CNTN5: variants seen among roughly 807,000 people sequenced by gnomAD.
CNTN5 encodes contactin-5.
CNTN5 carries 77 observed loss-of-function variants against 129.1 expected under a neutral mutation model. That is an observed-to-expected ratio of 0.60 (90% CI 0.50 to 0.72). CNTN5 has a LOEUF of 0.72. CNTN5 is among the 30% of genes least tolerant of loss of function. The pLI, the probability that CNTN5 is intolerant of heterozygous loss-of-function variation, is 0.00. For missense variants in CNTN5, 1,478 were observed against 1,328.8 expected (o/e 1.11, Z -1.75); for synonymous variants, 509 against 465.6 (o/e 1.09, Z -1.20).
chr11:99,619,589 A>G (rs1950866743), intron 3 of CNTN5, among the ~76,000 whole-genome samples: 4 of 152,110 alleles, frequency 2.6e-5, no homozygotes, highest in Admixed American at 2.6e-4. Flanking sequence ...TTGCATCAAA[A>G]CGAGATTTAA....
chr11:99,840,329 A>G (rs1264180067), intron 4 of CNTN5, among the ~76,000 whole-genome samples: 1 of 152,114 alleles, frequency 6.6e-6, no homozygotes, highest in Non-Finnish European at 1.5e-5. Flanking sequence ...AAAATAAGGA[A>G]CTTAGAAATG....
intron 1 of CNTN5, among the ~76,000 whole-genome samples, chr11:99,077,099 G>T (rs1361743957): frequency 1.3e-5 from 2 of 149,476 alleles, no homozygotes; most frequent in African/African-American, 5.0e-5. Context: ...GACAGTAAGT[G>T]ATGGTATTGA....
chr11:99,572,259 G>C (rs1027772300), intron 3 of CNTN5, among the ~76,000 whole-genome samples: 1 of 152,140 alleles, frequency 6.6e-6, no homozygotes, highest in Non-Finnish European at 1.5e-5. Flanking sequence ...AACGATAGCT[G>C]ATGAGCAAAA....
At position 99,462,365 on chromosome 11, in the gene CNTN5, T is replaced by C. The variant is rs186947484; in HGVS notation, c.-70-93780T>C. ...TTCTTTTTTTCTTTTCTTTTCTTTT[T>C]TTTTTTTTTTTACATTTTTCAACAT... On this transcript the variant is annotated intron_variant, in intron 2 of 24. Transcript: ENST00000524871. 4.2e-3 allele frequency among the ~76,000 whole-genome samples: 620 copies of C among 148,966 alleles called. 15 individuals carry two copies. In the East Asian group the frequency reaches 0.085, roughly 20 times the overall value.
At chr11:99,036,152 G>A (rs1222418447) in intron 1 of CNTN5, among the ~76,000 whole-genome samples, 1 of 151,840 alleles carries the variant, frequency 6.6e-6, no homozygotes, top group Non-Finnish European at 1.5e-5. Context: ...TTTTCACGTT[G>A]CGTATCGAAA....
chr11:99,969,765 C>CTACCTCA (rs1447336711), intron 8 of CNTN5, among the ~76,000 whole-genome samples: 1 of 152,158 alleles, frequency 6.6e-6, no homozygotes, highest in Non-Finnish European at 1.5e-5. Context: ...CCAAATCAGT[C>CTACCTCA]ATTCCATGTA....
At chr11:100,218,470 A>G (rs1036480763) in intron 15 of CNTN5, among the ~76,000 whole-genome samples, 1 of 152,230 alleles carries the variant, frequency 6.6e-6, no homozygotes, top group Non-Finnish European at 1.5e-5. Flanking sequence ...CACAGGAAAT[A>G]TCAATGTGGA....
chr11:99,409,546 A>C (rs1175624919), intron 2 of CNTN5, among the ~76,000 whole-genome samples: 3 of 152,242 alleles, frequency 2.0e-5, no homozygotes, highest in Non-Finnish European at 4.4e-5. Context: ...TGAGAGGTTA[A>C]AGATCATCTG....
chr11:99,526,543 GT>G (rs1307904361), intron 2 of CNTN5, among the ~76,000 whole-genome samples: 18 of 152,190 alleles, frequency 1.2e-4, no homozygotes, highest in African/African-American at 4.3e-4. Flanking sequence ...TGCATTGATA[GT>G]TTGGGGGCAA....
At chr11:99,176,886 T>A (rs1857799576) in intron 1 of CNTN5, among the ~76,000 whole-genome samples, 1 of 152,188 alleles carries the variant, frequency 6.6e-6, no homozygotes, top group Admixed American at 6.5e-5. Context: ...CTTCCATTTT[T>A]TTTCAGAGTC....
At position 99,425,883 on chromosome 11, in the gene CNTN5, A is replaced by G. The variant is rs1017608467; in HGVS notation, c.-71+100399A>G. ...CTCCCCCACTGCAGCCAGTGTCTTC[A>G]CAGCGCTGCTCCAGAAAGGTCACTG... On this transcript the variant is annotated intron_variant, in intron 2 of 24. Coordinates refer to ENST00000524871, the MANE Select transcript of CNTN5 (RefSeq NM_014361.4). Among the ~76,000 whole-genome samples, 46 of 152,222 alleles carry G rather than the reference A, an allele frequency of 3.0e-4. 3 individuals are homozygous for G. Among genetic ancestry groups the G allele is most frequent in the African/African-American group, 7.2e-5 (3 of 41,462 alleles).
chr11:99,710,588 TG>T (rs1247860872), intron 3 of CNTN5, among the ~76,000 whole-genome samples: 1 of 138,802 alleles, frequency 7.2e-6, no homozygotes, highest in African/African-American at 2.6e-5. Flanking sequence ...TGTGTGTGTG[TG>T]TGTGTGTGTG....
intron 18 of CNTN5, among the ~76,000 whole-genome samples, chr11:100,288,377 A>T (rs1327848188): frequency 6.6e-6 from 1 of 152,170 alleles, no homozygotes; most frequent in East Asian, 1.9e-4. Flanking sequence ...CTCCTCAGCA[A>T]ATGTGAAAGA....
At chr11:99,793,037 G>A (rs1208377923) in intron 3 of CNTN5, among the ~76,000 whole-genome samples, 1 of 151,466 alleles carries the variant, frequency 6.6e-6, no homozygotes, top group South Asian at 2.1e-4. Context: ...GCCTGTATTA[G>A]TCTACTAGCA....
chr11:99,706,720 T>C (rs1046865070), intron 3 of CNTN5, among the ~76,000 whole-genome samples: 17 of 151,462 alleles, frequency 1.1e-4, no homozygotes, highest in Non-Finnish European at 2.4e-4. Context: ...TCTATCTATC[T>C]TTTAATTTTT....
Position 100,354,576 on chromosome 11 carries a change from AG to A in CNTN5, c.3200-1540del, listed in dbSNP as rs778157611. On this transcript the variant is annotated intron_variant, in intron 24 of 24. Transcript: ENST00000524871. ...ATTCAGTAAATAAAATAATGTTATT[AG>A]ATTTTAAAATTTACTAGAGTAAGCA... Among the ~76,000 whole-genome samples, 129 of 151,728 alleles carry A rather than the reference AG, an allele frequency of 8.5e-4. 2 individuals carry two copies. The highest frequency in any genetic ancestry group is 1.8e-4 in the Non-Finnish European group (12 of 67,754).
chr11:99,775,730 C>T (rs1346932932), intron 3 of CNTN5, among the ~76,000 whole-genome samples: 1 of 151,904 alleles, frequency 6.6e-6, no homozygotes, highest in Non-Finnish European at 1.5e-5. Context: ...GAATTTTGTA[C>T]TCACGTTATG....
rs995531685 is a variant in CNTN5 at position 99,935,130 on chromosome 11, T to C, written c.673+18981T>C. Among the ~76,000 whole-genome samples the C allele has an allele frequency of 5.3e-5, 8 of 151,356 alleles. No homozygotes were observed. The South Asian group carries it at 1.7e-3, about 31-fold the overall frequency. On this transcript the variant is annotated intron_variant, in intron 7 of 24. Coordinates refer to ENST00000524871, the MANE Select transcript of CNTN5 (RefSeq NM_014361.4). ...TTAAATTTTATACGATATAAAAATA[T>C]TAATAAATTAGCAAACACCTGCTAT...
chr11:99,218,599 CA>C (rs1860245139), intron 1 of CNTN5, among the ~76,000 whole-genome samples: 1 of 151,994 alleles, frequency 6.6e-6, no homozygotes, highest in African/African-American at 2.4e-5. Context: ...TTTATGCAAT[CA>C]GGGGTATATC....
Sources: gnomAD v4.1 joint callset for allele counts (sites outside exome capture counted in the v4.1 genomes callset) on GRCh38, gnomAD v4.1.1 for gene constraint, MANE v1.5 for transcripts, NCBI Gene and HGNC (gene_info 2026-07-23, HGNC 2026-07-21) for gene names.